Variants in TENM4 observed in about 807,000 individuals in gnomAD.
The protein encoded by TENM4 is teneurin-4.
TENM4 carries 82 observed loss-of-function variants against 243.3 expected under a neutral mutation model. The ratio of observed to expected loss-of-function variants is 0.34; its 90% CI spans 0.28 to 0.40. TENM4 has a LOEUF of 0.40. Among genes scored for constraint, TENM4 ranks in the 10% least tolerant of loss-of-function variants. TENM4 has a pLI of 1.00. For missense variants in TENM4, 3,138 were observed against 3,673.3 expected, an observed-to-expected ratio of 0.85 and a Z score of 3.77; for synonymous variants, 1,412 against 1,456.3, an observed-to-expected ratio of 0.97 and a Z score of 0.69.
intron 15 of TENM4, 23 bp downstream of exon 15, chr11:78,805,269 G>C (rs149040239): frequency 4.2e-4 from 6 of 14,416 alleles, no homozygotes; most frequent in African/African-American, 4.6e-3. Flanking sequence ...CTCTACCCAT[G>C]CTTCTTCTCC....
At chr11:78,925,336 T>C (rs567815453) in intron 6 of TENM4, among the ~76,000 whole-genome samples, 122 of 152,036 alleles carry the variant, frequency 8.0e-4, no homozygotes, top group Middle Eastern at 3.4e-3. Context: ...TGTATGTGTG[T>C]GTGTGTGTTA....
intron 2 of TENM4, among the ~76,000 whole-genome samples, chr11:79,237,288 C>T (rs1864495055): frequency 6.6e-6 from 1 of 152,102 alleles, no homozygotes; most frequent in Non-Finnish European, 1.5e-5. Flanking sequence ...AGACAAGCTC[C>T]TCCGGAGGCC....
intron 1 of TENM4, among the ~76,000 whole-genome samples, chr11:79,340,108 C>T (rs1056754090): frequency 2.0e-5 from 3 of 152,196 alleles, no homozygotes; most frequent in East Asian, 1.9e-4. Flanking sequence ...AAGGGAGCTT[C>T]GAATGGAATC....
intron 3 of TENM4, among the ~76,000 whole-genome samples, chr11:79,169,053 C>T (rs1482385608): frequency 1.3e-5 from 2 of 152,186 alleles, no homozygotes; most frequent in Non-Finnish European, 2.9e-5. Flanking sequence ...CAGGACCTTT[C>T]CTAACTTTAA....
At chr11:78,750,630 C>T (rs955919749) in intron 19 of TENM4, among the ~76,000 whole-genome samples, 2 of 152,188 alleles carry the variant, frequency 1.3e-5, no homozygotes, top group African/African-American at 4.8e-5. Context: ...GCTCACAGAG[C>T]ACTTTTGTCT....
chr11:79,120,006 G>T (rs1447927739), intron 4 of TENM4, among the ~76,000 whole-genome samples: 3 of 152,160 alleles, frequency 2.0e-5, no homozygotes, highest in East Asian at 1.9e-4. Flanking sequence ...CCAACTGTCT[G>T]GGTCCCCTCC....
chr11:78,968,666 A>G (rs1857483692), intron 6 of TENM4, among the ~76,000 whole-genome samples: 1 of 152,218 alleles, frequency 6.6e-6, no homozygotes, highest in African/African-American at 2.4e-5. Flanking sequence ...GATTCTTCAC[A>G]AGATTTTTTC....
intron 6 of TENM4, among the ~76,000 whole-genome samples, chr11:79,062,291 A>T (rs1565187699): frequency 6.6e-6 from 1 of 152,160 alleles, no homozygotes; most frequent in Non-Finnish European, 1.5e-5. Context: ...TGCTGTTATT[A>T]TTATCATTTT....
intron 29 of TENM4, 79 bp from the exon 30 acceptor site, chr11:78,676,466 G>T: frequency 8.2e-7 from 1 of 1,222,946 alleles, no homozygotes; most frequent in African/African-American, 1.5e-5. Context: ...GGCGGTGGAG[G>T]GGACTTTAAA....
rs199909021 is a variant in TENM4, at chr11:78,669,033, G to A, written c.7312C>T (p.His2438Tyr). The stretch of plus-strand genomic sequence containing the variant: ...GGCATGACGTTGCTGCTACTAAGGT[G>A]CTTCCACAGCTCGTGGTCTGGGCTA... ...WTSPDHELWK[H>Y]LSSSNVMPFN... is the part of the protein sequence containing the mutation. Residue 2438 changes from histidine (H) to tyrosine (Y), a missense_variant, in exon 32 of 34, where the codon CAC (histidine) becomes TAC (tyrosine). Around this residue, in one of 2 missense-constraint regions of TENM4, gnomAD observed 2,467 missense variants for 3,059.1 expected, o/e 0.81. Coordinates refer to ENST00000278550, the MANE Select transcript of TENM4 (RefSeq NM_001098816.3). The surrounding 1 kb of genome is among the most constrained non-coding windows in gnomAD (Gnocchi z 6.4). 2.2e-4 allele frequency: 352 copies of A among 1,613,970 alleles called. 2 individuals carry two copies. The African/African-American group carries it at 4.3e-3, about 20-fold the overall frequency.
intron 2 of TENM4, among the ~76,000 whole-genome samples, chr11:79,248,775 CT>C (rs969903479): frequency 1.3e-5 from 2 of 150,406 alleles, no homozygotes; most frequent in African/African-American, 2.5e-5. Context: ...TCTGCAGAGA[CT>C]TTTTTTTCCC....
chr11:79,114,855 G>A (rs1861585618), intron 4 of TENM4, among the ~76,000 whole-genome samples: 2 of 152,288 alleles, frequency 1.3e-5, no homozygotes, highest in South Asian at 4.1e-4. Flanking sequence ...AGGAAACCCT[G>A]CCATATGTGC....
intron 1 of TENM4, among the ~76,000 whole-genome samples, chr11:79,316,884 A>C (rs1383506220): frequency 2.0e-5 from 3 of 152,232 alleles, no homozygotes; most frequent in Non-Finnish European, 4.4e-5. Flanking sequence ...TTTAAAATGC[A>C]CAAAGATGCT....
In TENM4 at chr11:79,202,786, G is replaced by A. The variant is rs546159884; in HGVS notation, c.-163+13022C>T. On this transcript the variant is annotated intron_variant, in intron 3 of 33. Coordinates refer to ENST00000278550, the MANE Select transcript of TENM4 (RefSeq NM_001098816.3). ...TTAGCTCCCAGACAACTGAGAGGAG[G>A]TGCTCATGGCAGTTCTAGGTGGCTT... Among the ~76,000 whole-genome samples, 9 of 152,302 alleles carry A rather than the reference G, an allele frequency of 5.9e-5. No homozygotes were observed. In the East Asian group the frequency reaches 1.4e-3, roughly 23 times the overall value.
At chr11:78,990,304 C>G (rs555127412) in intron 6 of TENM4, among the ~76,000 whole-genome samples, 9 of 152,216 alleles carry the variant, frequency 5.9e-5, no homozygotes, top group Middle Eastern at 3.4e-3. Flanking sequence ...TCATGAGTCT[C>G]CAGTCTCTTC....
intron 6 of TENM4, among the ~76,000 whole-genome samples, chr11:78,975,897 C>A (rs1375352379): frequency 6.6e-6 from 1 of 151,970 alleles, no homozygotes; most frequent in Non-Finnish European, 1.5e-5. Context: ...CTTAATCAAC[C>A]CTCATGCCCC....
At chr11:78,812,461 C>T (rs961762932) in intron 13 of TENM4, 145 bp from the exon 14 acceptor site, 1 of 962,504 alleles carries the variant, frequency 1.0e-6, no homozygotes, top group Admixed American at 2.5e-5. Context: ...CATCTGTCTT[C>T]TTCTCTTGCT....
chr11:78,822,912 T>G (rs1426968583), intron 12 of TENM4, among the ~76,000 whole-genome samples: 3 of 152,176 alleles, frequency 2.0e-5, no homozygotes, highest in Admixed American at 1.3e-4. Flanking sequence ...CCTTAACTTT[T>G]TAACCCTCCC....
chr11:78,892,730 T>C (rs1032341528), intron 7 of TENM4, among the ~76,000 whole-genome samples: 5 of 152,240 alleles, frequency 3.3e-5, no homozygotes, highest in Non-Finnish European at 7.3e-5. Context: ...TAAATTTTAT[T>C]CCTCACAATA....
Sources: allele counts gnomAD v4.1 joint callset (sites outside exome capture counted in the v4.1 genomes callset), GRCh38; gene constraint gnomAD v4.1.1; regional missense constraint gnomAD v4.1.1; non-coding constraint Gnocchi (gnomAD v3.1); transcripts MANE v1.5; gene names NCBI Gene and HGNC (gene_info 2026-07-23, HGNC 2026-07-21).